The following UTRN variants were observed in gnomAD, a reference collection of about 807,000 sequenced individuals.
UTRN encodes dystrophin-related protein 1.
UTRN carries 283 observed loss-of-function variants against 463.9 expected under a neutral mutation model. That is an observed-to-expected ratio of 0.61 (90% CI 0.55 to 0.67). The LOEUF is 0.67. Among genes scored for constraint, UTRN ranks in the 30% least tolerant of loss-of-function variants. The pLI, the probability that UTRN is intolerant of heterozygous loss-of-function variation, is 0.00. For synonymous variants in UTRN, 1,442 were observed against 1,431.5 expected, an observed-to-expected ratio of 1.01 and a Z score of -0.17; for missense variants, 3,922 against 4,084.3, an observed-to-expected ratio of 0.96 and a Z score of 1.08.
At position 144,494,311 on chromosome 6, in the gene UTRN, C is replaced by G. The variant is rs181231936; in HGVS notation, c.4593+855C>G. ...CCTGGCTCAGGAGTGACGCTGCAGA[C>G]CTTTGCAGTGAGTGTTACAGCTCTT... On this transcript the variant is annotated intron_variant, in intron 33 of 74. Transcript: ENST00000367545. 2.3e-3 allele frequency among the ~76,000 whole-genome samples: 351 copies of G among 152,180 alleles called. 2 individuals are homozygous for G. Among genetic ancestry groups the G allele is most frequent in the Non-Finnish European group, 2.5e-3 (173 of 67,994 alleles).
rs574387654 is a variant in UTRN, at chr6:144,349,033, G to T, written c.80-54090G>T. ...AGTTCTTTTTTTTTTGTTTTGAGACGGAGTCTCGCTCTGTCGCCCAGGCTG... is the reference window on the plus strand; with the variant it reads ...AGTTCTTTTTTTTTTGTTTTGAGACTGAGTCTCGCTCTGTCGCCCAGGCTG... On this transcript the variant is annotated intron_variant, in intron 2 of 74. Coordinates refer to ENST00000367545, the MANE Select transcript of UTRN (RefSeq NM_007124.3). 2.6e-5 allele frequency among the ~76,000 whole-genome samples: 4 copies of T among 151,926 alleles called. No individual in the cohort carries two copies. In the South Asian group the frequency reaches 8.3e-4, roughly 32 times the overall value.
At chr6:144,756,852 A>G (rs1394456343) in intron 57 of UTRN, among the ~76,000 whole-genome samples, 1 of 151,884 alleles carries the variant, frequency 6.6e-6, no homozygotes, top group Non-Finnish European at 1.5e-5. Flanking sequence ...ACTGGCTGTC[A>G]CTCTTTGGGC....
chr6:144,676,219 T>C (rs1291886893), intron 51 of UTRN, among the ~76,000 whole-genome samples: 1 of 152,142 alleles, frequency 6.6e-6, no homozygotes, highest in African/African-American at 2.4e-5. Context: ...CTGACTTTCT[T>C]TGTACTTTCT....
chr6:144,717,613 T>C (rs1207867030), intron 53 of UTRN, among the ~76,000 whole-genome samples: 2 of 150,436 alleles, frequency 1.3e-5, no homozygotes, highest in African/African-American at 2.5e-5. Context: ...TTTTTTTCTT[T>C]TTCTTTTTCT....
At chr6:144,683,596 T>C (rs1429306232) in intron 52 of UTRN, among the ~76,000 whole-genome samples, 4 of 152,238 alleles carry the variant, frequency 2.6e-5, no homozygotes, top group Admixed American at 2.0e-4. Flanking sequence ...CTGCCTTCTA[T>C]TGTGAACACA....
At chr6:144,444,206 C>A (rs959922609) in intron 13 of UTRN, 75 bp from the exon 14 acceptor site, 1 of 1,177,736 alleles carries the variant, frequency 8.5e-7, no homozygotes, top group Non-Finnish European at 1.2e-6. Context: ...CAATGGAAAT[C>A]ATGAATTTCT....
At chr6:144,487,991 T>A (rs1425840186) in intron 29 of UTRN, among the ~76,000 whole-genome samples, 1 of 152,222 alleles carries the variant, frequency 6.6e-6, no homozygotes. Flanking sequence ...CAACAACTCA[T>A]ACTATCCTAG....
intron 2 of UTRN, among the ~76,000 whole-genome samples, chr6:144,389,256 A>T (rs1781690960): frequency 6.6e-6 from 1 of 152,328 alleles, no homozygotes; most frequent in African/African-American, 2.4e-5. Context: ...GAAGGAGGCA[A>T]TCAGATATGC....
At chr6:144,713,556 G>A (rs1326543209) in intron 53 of UTRN, among the ~76,000 whole-genome samples, 2 of 151,584 alleles carry the variant, frequency 1.3e-5, no homozygotes, top group Non-Finnish European at 2.9e-5. Context: ...GGAGGTTGCA[G>A]TGAGCCAAGA....
intron 2 of UTRN, among the ~76,000 whole-genome samples, chr6:144,368,758 C>A (rs80215681): frequency 0.016 from 2,485 of 151,054 alleles, 64 homozygotes; most frequent in East Asian, 0.11. Flanking sequence ...TGGGCAACTC[C>A]GTCGCAAAAA....
intron 61 of UTRN, among the ~76,000 whole-genome samples, chr6:144,785,770 G>A (rs1304974694): frequency 6.6e-6 from 1 of 152,004 alleles, no homozygotes; most frequent in Non-Finnish European, 1.5e-5. Flanking sequence ...ATTATGAAGG[G>A]CAAATGAACT....
intron 2 of UTRN, among the ~76,000 whole-genome samples, chr6:144,358,132 G>A (rs550536950): frequency 6.6e-6 from 1 of 152,338 alleles, no homozygotes; most frequent in South Asian, 2.1e-4. Flanking sequence ...GTGGGTATTA[G>A]ACTATATGGT....
chr6:144,449,800 C>T (rs1337651690), intron 17 of UTRN, among the ~76,000 whole-genome samples: 1 of 152,146 alleles, frequency 6.6e-6, no homozygotes, highest in African/African-American at 2.4e-5. Context: ...GGGGAGGGTA[C>T]TAGTTAAGAA....
intron 18 of UTRN, among the ~76,000 whole-genome samples, chr6:144,452,925 G>A (rs1788473311): frequency 1.4e-5 from 2 of 147,946 alleles, no homozygotes; most frequent in African/African-American, 5.0e-5. Flanking sequence ...CTGGGTGACA[G>A]AGTGACAACC....
rs58646546 is a variant in UTRN at position 144,342,377 on chromosome 6, G to A, written c.79+50470G>A. Reference sequence around the variant, plus strand: ...CACACACACACACACACACACACCCGCCACACCCAAGAGACATGAAAATGT... The same window carrying A: ...CACACACACACACACACACACACCCACCACACCCAAGAGACATGAAAATGT... On this transcript the variant is annotated intron_variant, in intron 2 of 74. Coordinates refer to ENST00000367545, the MANE Select transcript of UTRN (RefSeq NM_007124.3). Among the ~76,000 whole-genome samples, 1,231 of 145,950 alleles carry A rather than the reference G, an allele frequency of 8.4e-3. 55 individuals carry two copies. The East Asian group carries it at 0.14, about 17-fold the overall frequency.
chr6:144,499,277 T>C lies in UTRN; in HGVS notation c.4614T>C (p.Asp1538=). The stretch of plus-strand genomic sequence containing the variant: ...CTCAGGTGACAGAAGGAAAACAGGA[T>C]CTGGAAAGAGCATCACAGTTGGCCC... ...LGAQVTEGKQ[D]LERASQLARK... is the part of the protein sequence containing the mutation. The change falls in exon 34 of 75, where the codon GAT becomes GAC. Residue 1538 remains aspartate (D), a synonymous_variant. Transcript: ENST00000367545. 1 of 1,612,442 alleles carries C rather than the reference T, an allele frequency of 6.2e-7. No individual in the cohort carries two copies.
In UTRN at chr6:144,364,297, GTACCT is replaced by G. The variant is rs1451589747; in HGVS notation, c.80-38825_80-38821del. On this transcript the variant is annotated intron_variant, in intron 2 of 74. Coordinates refer to ENST00000367545, the MANE Select transcript of UTRN (RefSeq NM_007124.3). ...GGTTTGTTGATTAGGAACTCAATTG[GTACCT>G]GCAGAAATTGCCTCTGATTGGGACC... 3.9e-5 allele frequency among the ~76,000 whole-genome samples: 6 copies of G among 152,296 alleles called. No homozygotes were observed. In the East Asian group the frequency reaches 1.2e-3, roughly 29 times the overall value.
At chr6:144,378,374 T>G (rs1312415549) in intron 2 of UTRN, among the ~76,000 whole-genome samples, 1 of 152,232 alleles carries the variant, frequency 6.6e-6, no homozygotes, top group Non-Finnish European at 1.5e-5. Flanking sequence ...AAGTTGACAT[T>G]TCTTGCCCTC....
chr6:144,552,548 T>C (rs1799019083), intron 48 of UTRN, among the ~76,000 whole-genome samples: 1 of 152,346 alleles, frequency 6.6e-6, no homozygotes, highest in South Asian at 2.1e-4. Context: ...TTTTTTGTTT[T>C]ACAAGACTTC....
Sources: allele counts gnomAD v4.1 joint callset (sites outside exome capture counted in the v4.1 genomes callset), GRCh38; gene constraint gnomAD v4.1.1; transcripts MANE v1.5; gene names NCBI Gene and HGNC (gene_info 2026-07-23, HGNC 2026-07-21).